PDC: variants seen among roughly 807,000 people sequenced by gnomAD.
PDC encodes the protein 33 kDa phototransducing protein.
PDC carries 19 observed loss-of-function variants against 22.2 expected under a neutral mutation model. The ratio of observed to expected loss-of-function variants is 0.86; its 90% CI spans 0.60 to 1.26. The LOEUF is 1.26. Ranked by LOEUF, PDC falls within the 50% of genes most tolerant of loss-of-function variation. The pLI, the probability that PDC is intolerant of heterozygous loss-of-function variation, is 0.00. For synonymous variants in PDC, 97 were observed against 96.2 expected (o/e 1.01, Z -0.05); for missense variants, 274 against 286.8 (o/e 0.96, Z 0.32).
intron 1 of PDC, among the ~76,000 whole-genome samples, chr1:186,456,665 C>T (rs1460833374): frequency 6.6e-6 from 1 of 151,940 alleles, no homozygotes; most frequent in Non-Finnish European, 1.5e-5. Context: ...TTTTTTCTTT[C>T]GTTTACATGA....
chr1:186,445,073 C>T (rs1662194244), intron 3 of PDC, among the ~76,000 whole-genome samples: 1 of 152,160 alleles, frequency 6.6e-6, no homozygotes, highest in South Asian at 2.1e-4. Context: ...AAGATAGCTA[C>T]TTTTCATTGC....
Position 186,446,827 on chromosome 1 carries a change from C to A in PDC, c.62-250G>T, listed in dbSNP as rs1662240965. On this transcript the variant is annotated intron_variant, in intron 2 of 3. Transcript: ENST00000391997. ...TGTACTAATGAAAATATAAATTATG[C>A]ACTTTGAACTACTGGCAAAAGGTTG... Among the ~76,000 whole-genome samples, 3 of 152,162 alleles carry A rather than the reference C, an allele frequency of 2.0e-5. No individual in the cohort carries two copies. In the South Asian group the frequency reaches 6.2e-4, roughly 32 times the overall value.
intron 2 of PDC, among the ~76,000 whole-genome samples, chr1:186,448,393 A>C (rs1254068984): frequency 6.6e-6 from 1 of 151,966 alleles, no homozygotes; most frequent in Non-Finnish European, 1.5e-5. Flanking sequence ...TCTATTTGGT[A>C]ATTAGTTTCT....
intron 1 of PDC, among the ~76,000 whole-genome samples, chr1:186,459,830 A>G (rs1409733516): frequency 6.9e-6 from 1 of 145,796 alleles, no homozygotes; most frequent in Non-Finnish European, 1.5e-5. Flanking sequence ...TAATAAAAAT[A>G]CTCCATTGCA....
chr1:186,459,438 GACATACAGATATTCTTTTACTTGT>G (rs978715616), intron 1 of PDC, among the ~76,000 whole-genome samples: 14 of 152,292 alleles, frequency 9.2e-5, no homozygotes, highest in African/African-American at 3.4e-4. Context: ...CGGGATTGCA[GACATACAGATATTCTTTTACTTGT>G]TCTGGAGAAA....
chr1:186,459,752 G>GTATATATATATA (rs56927589), intron 1 of PDC, among the ~76,000 whole-genome samples: 5,382 of 111,218 alleles, frequency 0.048, 221 homozygotes, highest in Non-Finnish European at 0.064. Context: ...GTGTGTGTGT[G>GTATATATATATA]TATATATATA....
chr1:186,454,174 T>TC lies in PDC; in HGVS notation c.-24-4692_-24-4691insG, dbSNP rs1325790520. On this transcript the variant is annotated intron_variant, in intron 1 of 3. Coordinates refer to ENST00000391997, the MANE Select transcript of PDC (RefSeq NM_002597.5). ...TTATTTCTTTCTTTTCTTTCTTTTTTTTTTTTTTTTTTTTTTTGAGACAGA... is the reference window on the plus strand; with the variant it reads ...TTATTTCTTTCTTTTCTTTCTTTTTTCTTTTTTTTTTTTTTTTTGAGACAGA... 1.1e-4 allele frequency among the ~76,000 whole-genome samples: 15 copies of TC among 134,794 alleles called. No individual in the cohort carries two copies. The East Asian group carries it at 1.8e-3, about 16-fold the overall frequency. The allele number at this position is 134,794 out of a possible 152,430, so 88.4% of individuals were successfully genotyped here. A position where few individuals can be genotyped will look rare whatever the true frequency, so the allele number is the denominator to read the frequency against.
At chr1:186,445,061 C>A (rs1662193671) in intron 3 of PDC, among the ~76,000 whole-genome samples, 1 of 152,142 alleles carries the variant, frequency 6.6e-6, no homozygotes. Context: ...ATTCCATTTT[C>A]TAAGATAGCT....
At chr1:186,453,802 A>G (rs1028744554) in intron 1 of PDC, among the ~76,000 whole-genome samples, 1 of 152,032 alleles carries the variant, frequency 6.6e-6, no homozygotes, top group Non-Finnish European at 1.5e-5. Context: ...CAAAACTATT[A>G]TCCTTGTTTT....
intron 1 of PDC, 68 bp from the exon 2 acceptor site, chr1:186,449,551 T>G: frequency 4.1e-5 from 30 of 725,826 alleles, no homozygotes; most frequent in Non-Finnish European, 7.0e-5. Flanking sequence ...TATATAGAGA[T>G]AAATATATAG....
At chr1:186,449,084 GA>G (rs1662294705) in intron 2 of PDC, among the ~76,000 whole-genome samples, 1 of 152,044 alleles carries the variant, frequency 6.6e-6, no homozygotes, top group Non-Finnish European at 1.5e-5. Context: ...AGTTCATACT[GA>G]GGGTGGGGTA....
At chr1:186,455,471 C>T (rs1662437857) in intron 1 of PDC, among the ~76,000 whole-genome samples, 1 of 152,174 alleles carries the variant, frequency 6.6e-6, no homozygotes, top group Admixed American at 6.5e-5. Context: ...TTCTCTATCT[C>T]CATAGCCTGC....
In PDC at chr1:186,444,130, A is replaced by T; in HGVS notation, c.590T>A (p.Leu197His). Reference sequence around the variant, plus strand: ...AGCAACACTAATAAAATTGCTTATGAGTTCCCCACCTTTATAGATGAGCAG... The same window carrying T: ...AGCAACACTAATAAAATTGCTTATGTGTTCCCCACCTTTATAGATGAGCAG... ...PTLLIYKGGE[L>H]ISNFISVAEQ... Residue 197 changes from leucine (L) to histidine (H), a missense_variant, in exon 4 of 4, where the codon CTC (leucine) becomes CAC (histidine). Transcript: ENST00000391997. The T allele has an allele frequency of 6.2e-7, 1 of 1,614,078 alleles. No homozygotes were observed.
chr1:186,444,558 G>T lies in PDC; in HGVS notation c.214-52C>A, dbSNP rs1489199063. 4 of 1,228,362 alleles carry T rather than the reference G, an allele frequency of 3.3e-6. No individual in the cohort carries two copies. The Admixed American group carries it at 8.2e-5, about 25-fold the overall frequency. 76.1% of individuals were successfully genotyped at this position (1,228,362 alleles called of 1,614,324 possible). A position where few individuals can be genotyped will look rare whatever the true frequency, so the allele number is the denominator to read the frequency against. On this transcript the variant is annotated intron_variant, in intron 3 of 3. Transcript: ENST00000391997. ...ATTAAGTCAGAAGTTTTATTCCTTA[G>T]ATATACCAAGCCCATTCTCAACCGA...
chr1:186,452,099 C>A (rs1662365470), intron 1 of PDC, among the ~76,000 whole-genome samples: 3 of 152,148 alleles, frequency 2.0e-5, no homozygotes, highest in African/African-American at 7.2e-5. Flanking sequence ...GAGGAAGACA[C>A]AAGTAGAATA....
At chr1:186,450,399 G>A (rs989986801) in intron 1 of PDC, among the ~76,000 whole-genome samples, 1 of 152,032 alleles carries the variant, frequency 6.6e-6, no homozygotes, top group Non-Finnish European at 1.5e-5. Flanking sequence ...CGATGGTGCT[G>A]TTTTATTTAG....
intron 1 of PDC, among the ~76,000 whole-genome samples, chr1:186,458,962 G>C (rs907028634): frequency 1.3e-5 from 2 of 152,168 alleles, no homozygotes; most frequent in African/African-American, 4.8e-5. Context: ...AGGAATTCAA[G>C]ACCAGCCTGG....
chr1:186,458,199 A>T (rs1380470915), intron 1 of PDC, among the ~76,000 whole-genome samples: 1 of 143,126 alleles, frequency 7.0e-6, no homozygotes, highest in East Asian at 2.0e-4. Context: ...CACCTATCCA[A>T]GTTTGCTATT....
intron 1 of PDC, chr1:186,451,291 T>C (rs970518087): frequency 6.6e-6 from 1 of 152,126 alleles, no homozygotes; most frequent in Non-Finnish European, 1.5e-5. Context: ...ATAAATGTAA[T>C]AAAGAATATT....
Sources: allele counts gnomAD v4.1 joint callset (sites outside exome capture counted in the v4.1 genomes callset), GRCh38; gene constraint gnomAD v4.1.1; transcripts MANE v1.5; gene names NCBI Gene and HGNC (gene_info 2026-07-23, HGNC 2026-07-21).